Variants in FNDC1 observed in about 807,000 individuals in gnomAD.
FNDC1 encodes fibronectin type III domain containing 1, also known as fibronectin type III domain-containing protein 1.
In FNDC1, 96 loss-of-function variants were observed where a neutral mutation model predicts 168.0. The observed-to-expected ratio is 0.57, with a 90% CI of 0.48 to 0.68. The LOEUF (loss-of-function observed/expected upper bound fraction) is 0.68, where lower values mean the gene tolerates loss of function less well. Ranked by LOEUF, FNDC1 falls within the 30% of genes least tolerant of loss-of-function variation. The pLI, the probability that FNDC1 is intolerant of heterozygous loss-of-function variation, is 0.00. For missense variants in FNDC1, 2,587 were observed against 2,482.1 expected (o/e 1.04, Z -0.90); for synonymous variants, 1,099 against 1,025.9 (o/e 1.07, Z -1.36).
chr6:159,171,292 C>A, intron 1 of FNDC1, among the ~76,000 whole-genome samples: 1 of 152,188 alleles, frequency 6.6e-6, no homozygotes. Context: ...GGAGGACAGG[C>A]ACATTTCAGA....
At chr6:159,179,677 C>T (rs141332977) in intron 1 of FNDC1, among the ~76,000 whole-genome samples, 47 of 152,298 alleles carry the variant, frequency 3.1e-4, no homozygotes, top group African/African-American at 1.0e-3. Context: ...TGATATTTGG[C>T]TATCTTCCTT....
At chr6:159,199,000 G>A (rs973606029) in intron 2 of FNDC1, among the ~76,000 whole-genome samples, 2 of 152,180 alleles carry the variant, frequency 1.3e-5, no homozygotes, top group Admixed American at 1.3e-4. Flanking sequence ...TCTGTTCATG[G>A]GCCTCTGGCT....
At chr6:159,247,157 T>G (rs1405306651) in intron 15 of FNDC1, among the ~76,000 whole-genome samples, 188 bp downstream of exon 15, 3 of 152,138 alleles carry the variant, frequency 2.0e-5, no homozygotes, top group African/African-American at 4.8e-5. Flanking sequence ...AAATGCATAT[T>G]TGATCTAAGA....
At chr6:159,205,698 G>A (rs1397612917) in intron 4 of FNDC1, among the ~76,000 whole-genome samples, 1 of 152,168 alleles carries the variant, frequency 6.6e-6, no homozygotes, top group African/African-American at 2.4e-5. Context: ...TTTTAGTTTT[G>A]AAATGTCATG....
chr6:159,198,074 A>T, intron 2 of FNDC1, among the ~76,000 whole-genome samples: 1 of 152,248 alleles, frequency 6.6e-6, no homozygotes, highest in East Asian at 1.9e-4. Flanking sequence ...TTAAAGATGT[A>T]ACACTTTGCC....
chr6:159,220,109 A>C (rs1163588470), intron 5 of FNDC1, among the ~76,000 whole-genome samples: 2 of 152,222 alleles, frequency 1.3e-5, no homozygotes, highest in African/African-American at 4.8e-5. Flanking sequence ...TTATGGCTAG[A>C]GTATCACCCG....
At chr6:159,250,550 G>A (rs1038904941) in intron 16 of FNDC1, among the ~76,000 whole-genome samples, 2 of 152,162 alleles carry the variant, frequency 1.3e-5, no homozygotes, top group African/African-American at 4.8e-5. Flanking sequence ...GGATATAATA[G>A]AAAGAGTTAA....
intron 1 of FNDC1, among the ~76,000 whole-genome samples, chr6:159,189,546 C>T (rs373455874): frequency 2.0e-5 from 3 of 152,116 alleles, no homozygotes; most frequent in Non-Finnish European, 4.4e-5. Flanking sequence ...GCAAGCAGGA[C>T]GCTTTGGATT....
rs756655403 is a variant in FNDC1, at chr6:159,233,989, G to A, written c.3477G>A (p.Ser1159=). The A allele has an allele frequency of 1.9e-6, 3 of 1,602,220 alleles. No individual in the cohort carries two copies. The highest frequency in any genetic ancestry group is 2.6e-6 in the Non-Finnish European group (3 of 1,174,864). Residue 1159 remains serine, a synonymous_variant, in exon 11 of 23, where the codon TCG becomes TCA. Transcript: ENST00000297267. The surrounding 1 kb of genome is among the most constrained non-coding windows in gnomAD (Gnocchi z 4.6). ...CCAGCAGGGCAGCGCCGGGGAAGTCGGAGCCTCCTTCCAAGCGGCCCCTGT... is the reference window on the plus strand; with the variant it reads ...CCAGCAGGGCAGCGCCGGGGAAGTCAGAGCCTCCTTCCAAGCGGCCCCTGT... ...RVPSRAAPGK[S]EPPSKRPLSS... is the part of the protein sequence containing the mutation.
chr6:159,266,046 A>T (rs1477941844), intron 20 of FNDC1, 38 bp from the exon 21 acceptor site: 11 of 1,605,286 alleles, frequency 6.9e-6, no homozygotes, highest in Non-Finnish European at 9.4e-6. Context: ...CACACTGTGG[A>T]GTGCTTACCC....
At chr6:159,173,224 G>A (rs746268323) in intron 1 of FNDC1, among the ~76,000 whole-genome samples, 31 of 152,094 alleles carry the variant, frequency 2.0e-4, no homozygotes, top group Non-Finnish European at 3.8e-4. Flanking sequence ...AAATCAGGAT[G>A]CCTGGGTGTG....
chr6:159,264,801 T>C (rs578256602), intron 19 of FNDC1, among the ~76,000 whole-genome samples, 174 bp from the exon 20 acceptor site: 1 of 152,328 alleles, frequency 6.6e-6, no homozygotes, highest in East Asian at 1.9e-4. Context: ...GAAAACAGTA[T>C]TTCTCAAAAG....
intron 9 of FNDC1, among the ~76,000 whole-genome samples, chr6:159,228,282 G>A (rs1782998783): frequency 1.3e-5 from 2 of 152,172 alleles, no homozygotes; most frequent in Non-Finnish European, 2.9e-5. Context: ...GTTTTTGTAA[G>A]GGTGTAGTGG....
chr6:159,204,492 C>A (rs555583580), intron 4 of FNDC1, among the ~76,000 whole-genome samples: 92 of 152,322 alleles, frequency 6.0e-4, no homozygotes, highest in African/African-American at 2.1e-3. Context: ...AGACTTTGGA[C>A]CTGTAGACCC....
rs1449964921 is a variant in FNDC1, at chr6:159,208,833, T to A, written c.461-6112T>A. On this transcript the variant is annotated intron_variant, in intron 4 of 22. Coordinates refer to ENST00000297267, the MANE Select transcript of FNDC1 (RefSeq NM_032532.3). ...TTTTCCTGATGGCCAGGCATTCAAATGTTATTTTTAATTTTTTTTTTTTTT... is the reference window on the plus strand; with the variant it reads ...TTTTCCTGATGGCCAGGCATTCAAAAGTTATTTTTAATTTTTTTTTTTTTT... 5.5e-5 allele frequency among the ~76,000 whole-genome samples: 8 copies of A among 146,752 alleles called. No homozygotes were observed. The East Asian group carries it at 1.6e-3, about 30-fold the overall frequency.
At chr6:159,264,635 G>C (rs1477955386) in intron 19 of FNDC1, among the ~76,000 whole-genome samples, 2 of 152,142 alleles carry the variant, frequency 1.3e-5, no homozygotes, top group Non-Finnish European at 2.9e-5. Flanking sequence ...TTTGTAGTAG[G>C]TGTACGCTCA....
At chr6:159,197,896 G>A (rs1160695059) in intron 2 of FNDC1, among the ~76,000 whole-genome samples, 2 of 152,192 alleles carry the variant, frequency 1.3e-5, no homozygotes, top group South Asian at 4.1e-4. Context: ...TTCTGAATGT[G>A]TTTTCAGAAA....
At position 159,169,882 on chromosome 6, in the gene FNDC1, C is replaced by T. The variant is rs995666220; in HGVS notation, c.109+177C>T. The T allele has an allele frequency of 8.3e-6, 2 of 240,276 alleles. No homozygotes were observed. Among genetic ancestry groups the T allele is most frequent in the East Asian group, 1.7e-4 (2 of 11,514 alleles). The allele number at this position is 240,276 out of a possible 1,614,324, so 14.9% of individuals were successfully genotyped here. A position where few individuals can be genotyped will look rare whatever the true frequency, so the allele number is the denominator to read the frequency against. On this transcript the variant is annotated intron_variant, in intron 1 of 22. Transcript: ENST00000297267. This position sits in a 1 kb window ranked among gnomAD's most constrained non-coding sequence, Gnocchi z 6.8. ...GTGGGTGGCGGGAGCGGGGACGCCT[C>T]GGTGCCCGGGGACCGCAGCGCGCTG...
intron 17 of FNDC1, among the ~76,000 whole-genome samples, chr6:159,255,049 A>G (rs887805070): frequency 6.6e-6 from 1 of 152,182 alleles, no homozygotes; most frequent in Non-Finnish European, 1.5e-5. Context: ...TCCCACACCC[A>G]ATCCATTCGG....
Sources: allele counts gnomAD v4.1 joint callset (sites outside exome capture counted in the v4.1 genomes callset), GRCh38; gene constraint gnomAD v4.1.1; non-coding constraint Gnocchi (gnomAD v3.1); transcripts MANE v1.5; gene names NCBI Gene and HGNC (gene_info 2026-07-23, HGNC 2026-07-21).